The following GALNT17 variants were observed in gnomAD, a reference collection of about 807,000 sequenced individuals.
GALNT17 encodes UDP-GalNAc:polypeptide N-acetylgalactosaminyltransferase-like 3.
A neutral mutation model predicts 63.7 loss-of-function variants in GALNT17; 29 were observed. That is an observed-to-expected ratio of 0.46 (90% confidence interval 0.34 to 0.62). The LOEUF is 0.62. Among genes scored for constraint, GALNT17 ranks in the 20% least tolerant of loss-of-function variants. GALNT17 has a pLI of 0.01. For synonymous variants in GALNT17, 305 were observed against 318.3 expected, an observed-to-expected ratio of 0.96 and a Z score of 0.45; for missense variants, 603 against 799.6, an observed-to-expected ratio of 0.75 and a Z score of 2.97.
At chr7:71,669,113 G>C (rs1263068073) in intron 7 of GALNT17, among the ~76,000 whole-genome samples, 1 of 152,200 alleles carries the variant, frequency 6.6e-6, no homozygotes, top group Non-Finnish European at 1.5e-5. Context: ...GCACAGCAAT[G>C]ATAAGGATGG....
At chr7:71,280,910 G>A (rs1464789228) in intron 1 of GALNT17, among the ~76,000 whole-genome samples, 1 of 152,156 alleles carries the variant, frequency 6.6e-6, no homozygotes, top group African/African-American at 2.4e-5. Context: ...ATCCCCATGG[G>A]TTGGGGTTCA....
chr7:71,293,139 T>C (rs1195220087), intron 1 of GALNT17, among the ~76,000 whole-genome samples: 1 of 152,188 alleles, frequency 6.6e-6, no homozygotes, highest in Non-Finnish European at 1.5e-5. Context: ...TTTTGTATCT[T>C]GGCCATTGTG....
intron 2 of GALNT17, among the ~76,000 whole-genome samples, chr7:71,352,896 G>A (rs1385308602): frequency 6.6e-6 from 1 of 152,140 alleles, no homozygotes; most frequent in African/African-American, 2.4e-5. Flanking sequence ...GGTGATGAGC[G>A]ATAGTGAGAT....
chr7:71,417,755 T>G (rs1296370891), intron 4 of GALNT17, among the ~76,000 whole-genome samples: 1 of 152,238 alleles, frequency 6.6e-6, no homozygotes, highest in Admixed American at 6.5e-5. Flanking sequence ...TGTCTTTTCC[T>G]TGGCATCATT....
At chr7:71,457,825 G>C (rs1031579737) in intron 5 of GALNT17, among the ~76,000 whole-genome samples, 3 of 152,120 alleles carry the variant, frequency 2.0e-5, no homozygotes, top group Non-Finnish European at 4.4e-5. Flanking sequence ...CTGTGACTTA[G>C]AGCGCCTTAA....
chr7:71,188,188 C>CAT (rs57390345), intron 1 of GALNT17, among the ~76,000 whole-genome samples: 37,375 of 151,990 alleles, frequency 0.25, 9,062 homozygotes, highest in African/African-American at 0.63. Context: ...CTGCCATAAA[C>CAT]GTGTGTGCAA....
intron 3 of GALNT17, among the ~76,000 whole-genome samples, chr7:71,397,955 TGTTGTTG>T (rs1395403112): frequency 6.7e-6 from 1 of 150,338 alleles, no homozygotes; most frequent in African/African-American, 2.4e-5. Flanking sequence ...TTGTTGTTGT[TGTTGTTG>T]TTGTTGTTGT....
chr7:71,556,767 T>C (rs944248790), intron 5 of GALNT17, among the ~76,000 whole-genome samples: 5 of 152,080 alleles, frequency 3.3e-5, no homozygotes, highest in Non-Finnish European at 5.9e-5. Flanking sequence ...GGTTTCACCA[T>C]GTTGGCCAGG....
rs554182520 is a variant in GALNT17, at chr7:71,380,589, G to A, written c.423-7646G>A. On this transcript the variant is annotated intron_variant, in intron 2 of 10. Coordinates refer to ENST00000333538, the MANE Select transcript of GALNT17 (RefSeq NM_022479.3). ...TCCTGCTTCAGCCTCCCAAAACTCT[G>A]GGATTATAGGCATGAGCCACCGCAC... Among the ~76,000 whole-genome samples the A allele has an allele frequency of 2.8e-4, 43 of 152,240 alleles. No individual in the cohort carries two copies. In the Middle Eastern group the frequency reaches 0.01, roughly 36 times the overall value.
At chr7:71,550,480 A>C (rs1789058166) in intron 5 of GALNT17, among the ~76,000 whole-genome samples, 1 of 152,076 alleles carries the variant, frequency 6.6e-6, no homozygotes, top group Non-Finnish European at 1.5e-5. Flanking sequence ...TCCCGGGTTC[A>C]AGCAATTCTC....
chr7:71,665,887 G>C (rs1199107708), intron 7 of GALNT17, among the ~76,000 whole-genome samples: 1 of 152,098 alleles, frequency 6.6e-6, no homozygotes, highest in African/African-American at 2.4e-5. Context: ...ATGATATGCT[G>C]TGTCCAGGAA....
intron 9 of GALNT17, among the ~76,000 whole-genome samples, chr7:71,706,685 C>T (rs954260248): frequency 1.4e-4 from 21 of 152,274 alleles, no homozygotes; most frequent in Middle Eastern, 3.4e-3. Context: ...TTAAAGCACA[C>T]GTTAACCACA....
At chr7:71,688,630 T>G (rs901849726) in intron 9 of GALNT17, among the ~76,000 whole-genome samples, 1 of 152,250 alleles carries the variant, frequency 6.6e-6, no homozygotes, top group Admixed American at 6.5e-5. Context: ...CACCTAAGTT[T>G]ATGAAATATT....
At chr7:71,656,890 TGCTATAATA>T (rs1327830588) in intron 6 of GALNT17, among the ~76,000 whole-genome samples, 1 of 152,206 alleles carries the variant, frequency 6.6e-6, no homozygotes, top group Non-Finnish European at 1.5e-5. Context: ...CCGGGCCACC[TGCTATAATA>T]GCATGCAAGC....
At chr7:71,281,875 G>C (rs1353049594) in intron 1 of GALNT17, among the ~76,000 whole-genome samples, 2 of 152,190 alleles carry the variant, frequency 1.3e-5, no homozygotes, top group South Asian at 4.1e-4. Context: ...GTGACCCATA[G>C]ATTTCAGGTT....
At chr7:71,454,605 C>A (rs1024777136) in intron 5 of GALNT17, among the ~76,000 whole-genome samples, 11 of 152,080 alleles carry the variant, frequency 7.2e-5, no homozygotes, top group Non-Finnish European at 1.5e-4. Flanking sequence ...TCAAAGGTAA[C>A]AAGAATTTAT....
At chr7:71,249,129 C>G (rs995614993) in intron 1 of GALNT17, among the ~76,000 whole-genome samples, 6 of 152,126 alleles carry the variant, frequency 3.9e-5, no homozygotes, top group Non-Finnish European at 5.9e-5. Context: ...ATATGGTGAG[C>G]AAAACTCACA....
At chr7:71,513,973 T>G (rs974507481) in intron 5 of GALNT17, among the ~76,000 whole-genome samples, 1 of 152,056 alleles carries the variant, frequency 6.6e-6, no homozygotes, top group African/African-American at 2.4e-5. Flanking sequence ...AGGAGGATCA[T>G]TTGAGACCAG....
At chr7:71,305,402 AT>A (rs71531741) in intron 1 of GALNT17, among the ~76,000 whole-genome samples, 1 of 152,030 alleles carries the variant, frequency 6.6e-6, no homozygotes, top group Non-Finnish European at 1.5e-5. Context: ...AAGCACCAAA[AT>A]TTTCTTGTTT....
Sources: allele counts gnomAD v4.1 joint callset (sites outside exome capture counted in the v4.1 genomes callset), GRCh38; gene constraint gnomAD v4.1.1; transcripts MANE v1.5; gene names NCBI Gene and HGNC (gene_info 2026-07-23, HGNC 2026-07-21).